ACOX3: variants seen among roughly 807,000 people sequenced by gnomAD.
ACOX3 encodes peroxisomal acyl-coenzyme A oxidase 3.
A neutral mutation model predicts 81.5 loss-of-function variants in ACOX3; 73 were observed. That is an observed-to-expected ratio of 0.90 (90% CI 0.74 to 1.09). ACOX3 has a LOEUF of 1.09. Among genes scored for constraint, ACOX3 ranks in the 50% least tolerant of loss-of-function variants. The probability of loss-of-function intolerance (pLI) is 0.00; values close to 1 mark genes in which losing one functional copy is unlikely to be tolerated. For missense variants in ACOX3, 947 were observed against 928.0 expected (o/e 1.02, Z -0.27); for synonymous variants, 387 against 375.1 (o/e 1.03, Z -0.37).
At chr4:8,364,948 C>T (rs1208339492), downstream of ACOX3, among the ~76,000 whole-genome samples, 1 of 152,194 alleles carries the variant, frequency 6.6e-6, no homozygotes, top group Admixed American at 6.5e-5. This position sits in a 1 kb window ranked among gnomAD's most constrained non-coding sequence, Gnocchi z 5.0. Context: ...TGGCCACCAC[C>T]TAGAATCTAG....
At chr4:8,411,145 G>A (rs1489653251) in intron 5 of ACOX3, among the ~76,000 whole-genome samples, 1 of 152,204 alleles carries the variant, frequency 6.6e-6, no homozygotes, top group East Asian at 1.9e-4. Context: ...GCCGGGATCC[G>A]CAAGGGGACA....
chr4:8,380,806 G>A (rs553010778), intron 14 of ACOX3, among the ~76,000 whole-genome samples: 1 of 152,300 alleles, frequency 6.6e-6, no homozygotes, highest in African/African-American at 2.4e-5. Flanking sequence ...GCTATGGTTA[G>A]GGCTGGCGCA....
chr4:8,383,289 A>G (rs1184597519), intron 13 of ACOX3, among the ~76,000 whole-genome samples: 1 of 152,242 alleles, frequency 6.6e-6, no homozygotes, highest in Non-Finnish European at 1.5e-5. Flanking sequence ...CCCCTCGCCA[A>G]GTCCTGCCAG....
Position 8,370,839 on chromosome 4 carries a change from G to C in ACOX3, c.1983+69C>G. The C allele has an allele frequency of 7.0e-7, 1 of 1,438,348 alleles. No homozygotes were observed. The highest frequency in any genetic ancestry group is 1.2e-5 in the South Asian group (1 of 86,924). The allele number at this position is 1,438,348 out of a possible 1,614,324, so 89.1% of individuals were successfully genotyped here. ...GACACCAGACCCCTGACCCACAGGA[G>C]CATCTCAGCTCCGCAGAAATGCCCA... is the stretch of plus-strand genomic sequence containing the variant. On this transcript the variant is annotated intron_variant, in intron 17 of 17. Coordinates refer to ENST00000356406, the MANE Select transcript of ACOX3 (RefSeq NM_003501.3). The surrounding 1 kb of genome is among the most constrained non-coding windows in gnomAD (Gnocchi z 6.3).
intron 1 of ACOX3, among the ~76,000 whole-genome samples, chr4:8,418,722 T>C (rs997840250): frequency 6.6e-6 from 1 of 151,864 alleles, no homozygotes; most frequent in East Asian, 2.0e-4. Flanking sequence ...TAGCTGGGCA[T>C]GGTGGCGCAT....
intron 1 of ACOX3, among the ~76,000 whole-genome samples, chr4:8,428,665 G>C (rs973111619): frequency 1.5e-4 from 23 of 152,246 alleles, no homozygotes; most frequent in African/African-American, 5.5e-4. Context: ...ACTCTGGCGA[G>C]TCGCTGCCCT....
chr4:8,409,328 CT>C (rs1363728969), intron 6 of ACOX3, among the ~76,000 whole-genome samples: 3 of 152,234 alleles, frequency 2.0e-5, no homozygotes, highest in Non-Finnish European at 4.4e-5. Context: ...CTGGATGTTT[CT>C]TTCTAAGGCA....
At chr4:8,375,550 A>T (rs1716853198) in intron 14 of ACOX3, among the ~76,000 whole-genome samples, 1 of 152,198 alleles carries the variant, frequency 6.6e-6, no homozygotes, top group African/African-American at 2.4e-5. Flanking sequence ...ACACGGGAAG[A>T]CACAGAGGAG....
rs549917157 is a variant in ACOX3, at chr4:8,423,408, C to T, written c.-14-6873G>A. ...GACAATATGGATGAGGGAAGAATGC[C>T]CGTCCCGTTCAAGTTAAACTAAAGG... On this transcript the variant is annotated intron_variant, in intron 1 of 17. Coordinates refer to ENST00000356406, the MANE Select transcript of ACOX3 (RefSeq NM_003501.3). The surrounding 1 kb of genome is among the most constrained non-coding windows in gnomAD (Gnocchi z 4.2). Among the ~76,000 whole-genome samples, 9 of 152,174 alleles carry T rather than the reference C, an allele frequency of 5.9e-5. No homozygotes were observed. The highest frequency in any genetic ancestry group is 1.2e-4 in the Non-Finnish European group (8 of 68,000).
intron 15 of ACOX3, 30 bp from the exon 16 acceptor site, chr4:8,373,658 C>T (rs1278697401): frequency 6.3e-7 from 1 of 1,599,716 alleles, no homozygotes; most frequent in Admixed American, 1.7e-5. Flanking sequence ...CACATGGGGG[C>T]TGGGTCCAGT....
At position 8,375,061 on chromosome 4, in the gene ACOX3, G is replaced by C; in HGVS notation, c.1745C>G (p.Pro582Arg). The C allele has an allele frequency of 6.4e-7, 1 of 1,554,772 alleles. No homozygotes were observed. The highest frequency in any genetic ancestry group is 1.2e-5 in the South Asian group (1 of 84,388). The change falls in exon 15 of 18, where the codon CCC (proline) becomes CGC (arginine). Residue 582 changes from proline to arginine, a missense_variant. Pro to Arg is a moderately radical substitution (Grantham distance 103). Coordinates refer to ENST00000356406, the MANE Select transcript of ACOX3 (RefSeq NM_003501.3). ...HEHVHQPSVP[P>R]SLRAVLGRLS... is the part of the protein sequence containing the mutation. ...CCGCCCCAGCACGGCCCGCAGCGAGGGCGGCACGGAAGGCTGGTGCACGTG... is the reference window on the plus strand; with the variant it reads ...CCGCCCCAGCACGGCCCGCAGCGAGCGCGGCACGGAAGGCTGGTGCACGTG...
chr4:8,428,251 G>C (rs1458993506), intron 1 of ACOX3: 1 of 150,138 alleles, frequency 6.7e-6, no homozygotes, highest in African/African-American at 2.5e-5. Flanking sequence ...GGCACTTTCA[G>C]TGCCCCCGCT....
rs1718264308 is a variant in ACOX3 at position 8,386,138 on chromosome 4, G to A, written c.1537+3035C>T. Among the ~76,000 whole-genome samples the A allele has an allele frequency of 1.3e-5, 2 of 152,282 alleles. No homozygotes were observed. The highest frequency in any genetic ancestry group is 4.1e-4 in the South Asian group (2 of 4,828). ...GCGTGATGGGCACATGGAGAAGCTG[G>A]CTGTCCCATTTATGTTTTGATTTTA... On this transcript the variant is annotated intron_variant, in intron 13 of 17. Coordinates refer to ENST00000356406, the MANE Select transcript of ACOX3 (RefSeq NM_003501.3). This position sits in a 1 kb window ranked among gnomAD's most constrained non-coding sequence, Gnocchi z 5.2.
chr4:8,376,006 T>C (rs73209450), intron 14 of ACOX3, among the ~76,000 whole-genome samples: 20,609 of 152,018 alleles, frequency 0.14, 1,722 homozygotes, highest in East Asian at 0.23. Flanking sequence ...GGCAGGATGA[T>C]TGCTTTTCTT....
In ACOX3 at chr4:8,381,726, A is replaced by T. The variant is rs1235886400; in HGVS notation, c.1538-119T>A. ...TGCAGGTACCAGGTTGTCTTCATTGACAACCAAGTGTATGGGGTGGGTCTG... is the reference window on the plus strand; with the variant it reads ...TGCAGGTACCAGGTTGTCTTCATTGTCAACCAAGTGTATGGGGTGGGTCTG... On this transcript the variant is annotated intron_variant, in intron 13 of 17. Transcript: ENST00000356406. This position sits in a 1 kb window ranked among gnomAD's most constrained non-coding sequence, Gnocchi z 4.3. The T allele has an allele frequency of 8.2e-6, 6 of 731,372 alleles. No individual in the cohort carries two copies. The African/African-American group carries it at 8.8e-5, about 11-fold the overall frequency. The allele number at this position is 731,372 out of a possible 1,614,324, so 45.3% of individuals were successfully genotyped here. A position where few individuals can be genotyped will look rare whatever the true frequency, so the allele number is the denominator to read the frequency against.
Position 8,375,875 on chromosome 4 carries a change from A to C in ACOX3, c.1654-723T>G, listed in dbSNP as rs577145648. ...CGTAGTGATGGCTGCACGGTATCCC[A>C]TGGTGTCTATGTACCCCATTTTCTT... On this transcript the variant is annotated intron_variant, in intron 14 of 17. Transcript: ENST00000356406. 2.0e-5 allele frequency among the ~76,000 whole-genome samples: 3 copies of C among 152,336 alleles called. No homozygotes were observed. The South Asian group carries it at 6.2e-4, about 32-fold the overall frequency.
chr4:8,357,625 T>C, the ACOX3 span: 35 of 274,638 alleles, frequency 1.3e-4, no homozygotes, highest in East Asian at 2.1e-3. Flanking sequence ...TCAAATGTTT[T>C]ATTTTCAAAA....
At chr4:8,409,711 C>T (rs1721485941) in intron 6 of ACOX3, among the ~76,000 whole-genome samples, 2 of 137,110 alleles carry the variant, frequency 1.5e-5, no homozygotes, top group African/African-American at 5.4e-5. Context: ...GCGGGTAGGG[C>T]TGTAGGATAC....
rs550639629 is a variant in ACOX3, at chr4:8,370,385, T to C, written c.1983+523A>G. Among the ~76,000 whole-genome samples the C allele has an allele frequency of 3.9e-4, 59 of 151,274 alleles. No individual in the cohort carries two copies. Among genetic ancestry groups the C allele is most frequent in the African/African-American group, 1.4e-3 (56 of 41,188 alleles). Reference sequence around the variant, plus strand: ...CCCATCTGCTATGAAGGAATCATTATGGAACATGGGGGGCAGGAGGAGAGC... The same window carrying C: ...CCCATCTGCTATGAAGGAATCATTACGGAACATGGGGGGCAGGAGGAGAGC... On this transcript the variant is annotated intron_variant, in intron 17 of 17. Transcript: ENST00000356406. This position sits in a 1 kb window ranked among gnomAD's most constrained non-coding sequence, Gnocchi z 6.3.
Sources: allele counts gnomAD v4.1 joint callset (sites outside exome capture counted in the v4.1 genomes callset), GRCh38; gene constraint gnomAD v4.1.1; non-coding constraint Gnocchi (gnomAD v3.1); transcripts MANE v1.5; gene names NCBI Gene and HGNC (gene_info 2026-07-23, HGNC 2026-07-21).